The following SND1 variants were observed in gnomAD, a reference collection of about 807,000 sequenced individuals.
The protein encoded by SND1 is staphylococcal nuclease and tudor domain containing 1.
Under a neutral mutation model 121.7 loss-of-function variants are expected in SND1, and 38 were observed. The ratio of observed to expected loss-of-function variants is 0.31; its 90% CI spans 0.24 to 0.41. The LOEUF (loss-of-function observed/expected upper bound fraction) is 0.41, where lower values mean the gene tolerates loss of function less well. Among genes scored for constraint, SND1 ranks in the 10% least tolerant of loss-of-function variants. The pLI, the probability that SND1 is intolerant of heterozygous loss-of-function variation, is 1.00. For synonymous variants in SND1, 401 were observed against 447.4 expected (o/e 0.90, Z 1.31); for missense variants, 868 against 1,184.6 (o/e 0.73, Z 3.92).
At chr7:127,733,564 A>G (rs938420714) in intron 10 of SND1, among the ~76,000 whole-genome samples, 2 of 152,160 alleles carry the variant, frequency 1.3e-5, no homozygotes, top group African/African-American at 2.4e-5. Flanking sequence ...CCCTGATGCA[A>G]AGTTTTACAA....
intron 15 of SND1, among the ~76,000 whole-genome samples, chr7:127,967,131 C>A (rs1388185692): frequency 2.0e-5 from 3 of 152,146 alleles, no homozygotes; most frequent in Admixed American, 2.0e-4. Context: ...CCCATGCTCC[C>A]AGTGGGTGTT....
At chr7:127,918,547 G>C (rs1230970634) in intron 14 of SND1, among the ~76,000 whole-genome samples, 1 of 152,092 alleles carries the variant, frequency 6.6e-6, no homozygotes, top group African/African-American at 2.4e-5. Context: ...TTTCTTTTAA[G>C]TATTGTAAGC....
intron 16 of SND1, among the ~76,000 whole-genome samples, chr7:128,032,305 CT>C (rs1792648037): frequency 6.6e-6 from 1 of 151,022 alleles, no homozygotes; most frequent in African/African-American, 2.4e-5. Context: ...CTCTTCCTCT[CT>C]CCCCCTCCCC....
At chr7:127,684,373 G>A (rs745365092) in intron 1 of SND1, among the ~76,000 whole-genome samples, 2 of 152,228 alleles carry the variant, frequency 1.3e-5, no homozygotes, top group Non-Finnish European at 2.9e-5. Context: ...TTTGTGTGCT[G>A]TATGTAGTTT....
chr7:127,692,238 G>T (rs1451235170), intron 2 of SND1, among the ~76,000 whole-genome samples: 1 of 152,206 alleles, frequency 6.6e-6, no homozygotes, highest in Non-Finnish European at 1.5e-5. Context: ...CAGTTTCATT[G>T]TGGTAGATAT....
At chr7:128,072,404 C>T (rs1184743232) in intron 16 of SND1, among the ~76,000 whole-genome samples, 3 of 152,108 alleles carry the variant, frequency 2.0e-5, no homozygotes, top group Non-Finnish European at 2.9e-5. Flanking sequence ...TCAGGGAATG[C>T]GGAAACTGAT....
At chr7:127,906,021 GTCTGGCAGGC>G (rs1375163148) in intron 14 of SND1, among the ~76,000 whole-genome samples, 1 of 152,172 alleles carries the variant, frequency 6.6e-6, no homozygotes, top group Non-Finnish European at 1.5e-5. Flanking sequence ...CTACAAATGT[GTCTGGCAGGC>G]TCCCCCTTGC....
Position 127,904,799 on chromosome 7 carries a change from C to T in SND1, c.1507C>T (p.Arg503Cys). 6.2e-7 allele frequency: 1 copy of T among 1,609,772 alleles called. No homozygotes were observed. The highest frequency in any genetic ancestry group is 8.5e-7 in the Non-Finnish European group (1 of 1,176,198). Reference protein sequence around the residue: ...LHSKKEVPIHRVADISGDTQK... With the variant: ...LHSKKEVPIHCVADISGDTQK... The stretch of plus-strand genomic sequence containing the variant: ...TAGCAAGAAGGAAGTGCCTATCCAC[C>T]GTGTTGCAGATATATCTGGGGTGAG... The change falls in exon 14 of 24, where the codon CGT (arginine) becomes TGT (cysteine). Residue 503 changes from arginine (R) to cysteine (C), a missense_variant. Physicochemically the swap from Arg to Cys is radical, Grantham distance 180. Coordinates refer to ENST00000354725, the MANE Select transcript of SND1 (RefSeq NM_014390.4).
intron 15 of SND1, among the ~76,000 whole-genome samples, chr7:127,981,611 G>GCC (rs1356578011): frequency 6.6e-6 from 1 of 152,126 alleles, no homozygotes; most frequent in Non-Finnish European, 1.5e-5. Context: ...TCCCATGCTG[G>GCC]CCTGATTGTT....
At position 127,893,192 on chromosome 7, in the gene SND1, C is replaced by T. The variant is rs1800045591; in HGVS notation, c.1454+5180C>T. On this transcript the variant is annotated intron_variant, in intron 13 of 23. Coordinates refer to ENST00000354725, the MANE Select transcript of SND1 (RefSeq NM_014390.4). ...TCTATTTTATGTATTTGGTGTAACA[C>T]ATCCAAGTTTTGATTTTGGAGAGGC... is the stretch of plus-strand genomic sequence containing the variant. Among the ~76,000 whole-genome samples the T allele has an allele frequency of 2.6e-5, 4 of 152,188 alleles. No individual in the cohort carries two copies. The South Asian group carries it at 8.3e-4, about 32-fold the overall frequency.
chr7:127,841,369 C>T (rs1798962066), intron 11 of SND1, among the ~76,000 whole-genome samples: 2 of 152,088 alleles, frequency 1.3e-5, no homozygotes, highest in South Asian at 2.1e-4. Flanking sequence ...ACATGGACCT[C>T]GTTCCTCATT....
intron 10 of SND1, among the ~76,000 whole-genome samples, chr7:127,730,983 C>G (rs752690489): frequency 6.6e-6 from 1 of 152,258 alleles, no homozygotes; most frequent in Non-Finnish European, 1.5e-5. Flanking sequence ...AAGCCACATT[C>G]ATATTCGTAT....
intron 12 of SND1, among the ~76,000 whole-genome samples, chr7:127,876,648 A>C (rs1320768090): frequency 6.6e-6 from 1 of 152,178 alleles, no homozygotes; most frequent in Non-Finnish European, 1.5e-5. Context: ...TGAAAATGTG[A>C]ATGCATGGCA....
chr7:128,089,305 C>T lies in SND1; in HGVS notation c.2419-184C>T, dbSNP rs531371063. Among the ~76,000 whole-genome samples, 6 of 152,302 alleles carry T rather than the reference C, an allele frequency of 3.9e-5. No homozygotes were observed. The East Asian group carries it at 1.2e-3, about 29-fold the overall frequency. ...CTGGCCTCAAGGGGTCCACCCACCT[C>T]AGCCTCCCAAAGTGCTGGGATTACA... On this transcript the variant is annotated intron_variant, in intron 21 of 23. Coordinates refer to ENST00000354725, the MANE Select transcript of SND1 (RefSeq NM_014390.4).
At chr7:127,833,208 T>A (rs1212957854) in intron 11 of SND1, among the ~76,000 whole-genome samples, 1 of 151,966 alleles carries the variant, frequency 6.6e-6, no homozygotes, top group African/African-American at 2.4e-5. Flanking sequence ...GACTTCTAAT[T>A]ATGGTTTTGG....
chr7:127,979,165 T>C (rs1802199601), intron 15 of SND1, among the ~76,000 whole-genome samples: 1 of 152,242 alleles, frequency 6.6e-6, no homozygotes, highest in African/African-American at 2.4e-5. Context: ...AGCAAATACA[T>C]GTGGCCATGT....
chr7:127,683,903 A>G (rs1795770302), intron 1 of SND1, among the ~76,000 whole-genome samples: 1 of 152,218 alleles, frequency 6.6e-6, no homozygotes, highest in African/African-American at 2.4e-5. Context: ...AATGCAAGGA[A>G]GTTCTGACAG....
At chr7:128,001,236 C>A (rs943625949) in intron 16 of SND1, among the ~76,000 whole-genome samples, 1 of 152,328 alleles carries the variant, frequency 6.6e-6, no homozygotes, top group East Asian at 1.9e-4. Context: ...CTGGTCAAAA[C>A]AACATGTTTC....
intron 12 of SND1, among the ~76,000 whole-genome samples, chr7:127,867,337 C>A (rs1799495430): frequency 6.6e-6 from 1 of 152,178 alleles, no homozygotes; most frequent in Non-Finnish European, 1.5e-5. Flanking sequence ...ACTCTGATAA[C>A]TTTTTCTCAG....
Sources: gnomAD v4.1 joint callset for allele counts (sites outside exome capture counted in the v4.1 genomes callset) on GRCh38, gnomAD v4.1.1 for gene constraint, MANE v1.5 for transcripts, NCBI Gene and HGNC (gene_info 2026-07-23, HGNC 2026-07-21) for gene names.